The following LRMDA variants were observed in gnomAD, a reference collection of about 807,000 sequenced individuals.
LRMDA encodes leucine-rich melanocyte differentiation-associated protein.
A neutral mutation model predicts 29.8 loss-of-function variants in LRMDA; 18 were observed. That is an observed-to-expected ratio of 0.60 (90% CI 0.42 to 0.90). LRMDA has a LOEUF of 0.90. Among genes scored for constraint, LRMDA ranks in the 40% least tolerant of loss-of-function variants. The pLI, the probability that LRMDA is intolerant of heterozygous loss-of-function variation, is 0.00. For missense variants in LRMDA, 273 were observed against 273.9 expected, an observed-to-expected ratio of 1.00 and a Z score of 0.02; for synonymous variants, 125 against 109.4, an observed-to-expected ratio of 1.14 and a Z score of -0.89.
At chr10:76,382,639 T>C (rs1841606698) in intron 6 of LRMDA, among the ~76,000 whole-genome samples, 1 of 152,222 alleles carries the variant, frequency 6.6e-6, no homozygotes, top group African/African-American at 2.4e-5. Flanking sequence ...GCCATTAATC[T>C]GCAAAGTTGA....
At chr10:76,112,815 T>TC (rs5786215) in intron 5 of LRMDA, among the ~76,000 whole-genome samples, 152,364 of 152,364 alleles carry the variant, frequency 1, 76,182 homozygotes, top group Non-Finnish European at 1. Context: ...AGAGTTTTTC[T>TC]CTCTGGTTGC....
At chr10:75,651,493 T>G (rs1374191347) in intron 2 of LRMDA, among the ~76,000 whole-genome samples, 1 of 152,236 alleles carries the variant, frequency 6.6e-6, no homozygotes, top group African/African-American at 2.4e-5. Context: ...CACAACAAGC[T>G]CATTTATTCA....
At chr10:75,796,539 T>C (rs1843656517) in intron 2 of LRMDA, among the ~76,000 whole-genome samples, 1 of 152,222 alleles carries the variant, frequency 6.6e-6, no homozygotes, top group African/African-American at 2.4e-5. Flanking sequence ...CATCATGTGT[T>C]ATCCTTTTTG....
chr10:76,219,407 A>G (rs1331585545), intron 5 of LRMDA, among the ~76,000 whole-genome samples: 1 of 152,156 alleles, frequency 6.6e-6, no homozygotes, highest in Non-Finnish European at 1.5e-5. Flanking sequence ...TCAAAATAAA[A>G]GGATGGAGGA....
intron 2 of LRMDA, among the ~76,000 whole-genome samples, chr10:75,566,758 C>T (rs1276597384): frequency 2.0e-5 from 3 of 152,188 alleles, no homozygotes; most frequent in Admixed American, 6.5e-5. Flanking sequence ...CCCACTTTCT[C>T]TTTCTCCCAA....
At chr10:75,902,085 C>T (rs1217164396) in intron 2 of LRMDA, among the ~76,000 whole-genome samples, 1 of 152,136 alleles carries the variant, frequency 6.6e-6, no homozygotes, top group Non-Finnish European at 1.5e-5. Flanking sequence ...CCTTCAGCCC[C>T]ACATTCCCCC....
chr10:75,669,382 A>T (rs1294392294), intron 2 of LRMDA, among the ~76,000 whole-genome samples: 7 of 152,330 alleles, frequency 4.6e-5, no homozygotes, highest in African/African-American at 1.7e-4. Context: ...TTAATCCTTT[A>T]ACCTGAGCCT....
intron 2 of LRMDA, among the ~76,000 whole-genome samples, chr10:75,614,042 AT>A (rs1469784751): frequency 2.6e-5 from 4 of 152,202 alleles, no homozygotes; most frequent in Non-Finnish European, 5.9e-5. Context: ...AGTTGCTGAA[AT>A]CTTGAATGAT....
chr10:75,968,598 C>A (rs1192549973), intron 2 of LRMDA, among the ~76,000 whole-genome samples: 2 of 152,240 alleles, frequency 1.3e-5, no homozygotes, highest in East Asian at 3.9e-4. Context: ...AGAATGTGGG[C>A]AAAATACTTA....
chr10:75,966,196 GAT>G (rs764216510), intron 2 of LRMDA, among the ~76,000 whole-genome samples: 1 of 152,214 alleles, frequency 6.6e-6, no homozygotes, highest in Non-Finnish European at 1.5e-5. Flanking sequence ...CCACTGATGG[GAT>G]ATATATATTC....
chr10:75,564,241 G>C (rs1348088750), intron 2 of LRMDA, among the ~76,000 whole-genome samples: 2 of 152,122 alleles, frequency 1.3e-5, no homozygotes, highest in South Asian at 4.1e-4. Flanking sequence ...GCAATGGTGG[G>C]CGCCCCTCCC....
At chr10:75,705,526 C>T (rs1457997539) in intron 2 of LRMDA, among the ~76,000 whole-genome samples, 1 of 152,200 alleles carries the variant, frequency 6.6e-6, no homozygotes, top group Non-Finnish European at 1.5e-5. Flanking sequence ...TCTGAACCCT[C>T]AGACTGGAGA....
At chr10:75,491,653 T>G (rs966484144) in intron 2 of LRMDA, among the ~76,000 whole-genome samples, 1 of 152,202 alleles carries the variant, frequency 6.6e-6, no homozygotes, top group South Asian at 2.1e-4. Flanking sequence ...TTATAGAGTG[T>G]TTTCCACTGA....
chr10:76,080,954 C>T lies in LRMDA; in HGVS notation c.516+22171C>T, dbSNP rs572944882. Among the ~76,000 whole-genome samples the T allele has an allele frequency of 1.1e-4, 17 of 152,336 alleles. No homozygotes were observed. The South Asian group carries it at 1.9e-3, about 17-fold the overall frequency. Reference sequence around the variant, plus strand: ...TGGGCTGTGTCTTCACACCTTGACACCTCCATCCAAGAGCCCTTGGTGGGA... The same window carrying T: ...TGGGCTGTGTCTTCACACCTTGACATCTCCATCCAAGAGCCCTTGGTGGGA... On this transcript the variant is annotated intron_variant, in intron 5 of 6. Coordinates refer to ENST00000611255, the MANE Select transcript of LRMDA (RefSeq NM_001305581.2).
At chr10:76,116,716 C>T (rs1026747024) in intron 5 of LRMDA, among the ~76,000 whole-genome samples, 11 of 152,266 alleles carry the variant, frequency 7.2e-5, no homozygotes, top group Admixed American at 7.2e-4. Context: ...GGAGACTATG[C>T]TCTCAAGGCA....
chr10:75,466,303 T>C (rs986768452), intron 2 of LRMDA, among the ~76,000 whole-genome samples: 2 of 152,142 alleles, frequency 1.3e-5, no homozygotes, highest in African/African-American at 4.8e-5. Context: ...GGCTGTTGCT[T>C]AATTTTGGGG....
intron 2 of LRMDA, among the ~76,000 whole-genome samples, chr10:75,894,903 A>G (rs572281609): frequency 6.6e-6 from 1 of 152,336 alleles, no homozygotes; most frequent in East Asian, 1.9e-4. Context: ...CATAATCATC[A>G]TCATAAACCC....
At chr10:76,263,011 C>G (rs189293867) in intron 5 of LRMDA, among the ~76,000 whole-genome samples, 84 of 152,224 alleles carry the variant, frequency 5.5e-4, no homozygotes, top group Non-Finnish European at 9.7e-4. Context: ...TAGAACTTTG[C>G]AATGTTGTTA....
chr10:76,195,267 G>T (rs1015117461), intron 5 of LRMDA, among the ~76,000 whole-genome samples: 1 of 152,170 alleles, frequency 6.6e-6, no homozygotes, highest in African/African-American at 2.4e-5. Context: ...GCAGAATGGG[G>T]TCTGTTGGGA....
Sources: gnomAD v4.1 joint callset for allele counts (sites outside exome capture counted in the v4.1 genomes callset) on GRCh38, gnomAD v4.1.1 for gene constraint, MANE v1.5 for transcripts, NCBI Gene and HGNC (gene_info 2026-07-23, HGNC 2026-07-21) for gene names.